JUP: variants seen among roughly 807,000 people sequenced by gnomAD.
JUP encodes the protein catenin (cadherin-associated protein), gamma 80kDa.
JUP carries 28 observed loss-of-function variants against 71.1 expected under a neutral mutation model. The ratio of observed to expected loss-of-function variants is 0.39; its 90% CI spans 0.29 to 0.54. The LOEUF (loss-of-function observed/expected upper bound fraction) is 0.54. Among genes scored for constraint, JUP ranks in the 20% least tolerant of loss-of-function variants. The probability of loss-of-function intolerance (pLI) is 0.62; values close to 1 mark genes in which losing one functional copy is unlikely to be tolerated. For missense variants in JUP, 869 were observed against 1,030.1 expected (o/e 0.84, Z 2.14); for synonymous variants, 401 against 438.9 (o/e 0.91, Z 1.08).
intron 5 of JUP, among the ~76,000 whole-genome samples, chr17:41,766,473 T>C (rs192897171): frequency 5.3e-5 from 8 of 152,006 alleles, no homozygotes; most frequent in Non-Finnish European, 8.8e-5. Flanking sequence ...GTAATCCTGA[T>C]ACTTTGGGAG....
chr17:41,769,554 G>C lies in JUP; in HGVS notation c.332C>G (p.Thr111Ser). ...LLATQVEGQA[T>S]NLQRLAEPSQ... ...CGGCTCGGCCAGTCGCTGCAGGTTG[G>C]TGGCCTGCCCCTCCACCTGGGTGGC... Residue 111 changes from threonine (T) to serine (S), a missense_variant, in exon 3 of 14, where the codon ACC (threonine) becomes AGC (serine). By Grantham distance (58) the Thr-to-Ser change is moderately conservative. Coordinates refer to ENST00000393931, the MANE Select transcript of JUP (RefSeq NM_002230.4). The C allele has an allele frequency of 6.2e-7, 1 of 1,608,690 alleles. No individual in the cohort carries two copies. The highest frequency in any genetic ancestry group is 8.5e-7 in the Non-Finnish European group (1 of 1,178,334).
chr17:41,776,866 C>G (rs561030858), intron 1 of JUP, among the ~76,000 whole-genome samples: 2 of 152,152 alleles, frequency 1.3e-5, no homozygotes, highest in African/African-American at 4.8e-5. Flanking sequence ...ATTAGCCAGG[C>G]GTGGTGGTGG....
chr17:41,778,053 A>ACTGC (rs1267851502), intron 1 of JUP, among the ~76,000 whole-genome samples: 2 of 152,188 alleles, frequency 1.3e-5, no homozygotes, highest in East Asian at 3.9e-4. Flanking sequence ...CTCTCATTCC[A>ACTGC]CTGCCTCCAA....
intron 1 of JUP, among the ~76,000 whole-genome samples, chr17:41,779,450 C>T (rs1234455213): frequency 6.7e-6 from 1 of 150,358 alleles, no homozygotes; most frequent in African/African-American, 2.4e-5. Flanking sequence ...GCCTCAGCCT[C>T]CACAGTAGCT....
At chr17:41,786,336 C>T (rs1555611752) in intron 1 of JUP, 1 of 152,192 alleles carries the variant, frequency 6.6e-6, no homozygotes, top group Non-Finnish European at 1.5e-5. Context: ...AGGCGCGACC[C>T]CGGAGGCACC....
intron 9 of JUP, 51 bp from the exon 10 acceptor site, chr17:41,758,569 C>T: frequency 6.3e-7 from 1 of 1,593,644 alleles, no homozygotes; most frequent in Non-Finnish European, 8.6e-7. Flanking sequence ...GACATGGCCA[C>T]AACTCCTCCC....
Position 41,769,255 on chromosome 17 carries a change from G to A in JUP, c.469-48C>T, listed in dbSNP as rs75715269. 10,872 of 1,578,654 alleles carry A rather than the reference G, an allele frequency of 6.9e-3. 533 individuals are homozygous for A. In the African/African-American group the frequency reaches 0.12, roughly 17 times the overall value. On this transcript the variant is annotated intron_variant, in intron 3 of 13. Transcript: ENST00000393931. Reference sequence around the variant, plus strand: ...GGGACGTGAGCACTAAGGAGAGGCCGGGATACCCTTCCACAGAGCTGAGGA... The same window carrying A: ...GGGACGTGAGCACTAAGGAGAGGCCAGGATACCCTTCCACAGAGCTGAGGA...
At chr17:41,768,266 G>A (rs562979785) in intron 4 of JUP, among the ~76,000 whole-genome samples, 31 of 152,288 alleles carry the variant, frequency 2.0e-4, no homozygotes, top group Non-Finnish European at 4.1e-4. Context: ...AGGCATGGTC[G>A]TGGGTGCCTG....
At chr17:41,756,088 C>G in intron 13 of JUP, 87 bp downstream of exon 13, 1 of 1,415,186 alleles carries the variant, frequency 7.1e-7, no homozygotes, top group Non-Finnish European at 9.9e-7. Flanking sequence ...GGTCCTCTGG[C>G]CCCGGAGACA....
At chr17:41,765,343 C>T (rs1214821863) in intron 5 of JUP, among the ~76,000 whole-genome samples, 2 of 150,306 alleles carry the variant, frequency 1.3e-5, no homozygotes, top group East Asian at 2.0e-4. Context: ...GCCAAGCACC[C>T]CAATAAGTTT....
At chr17:41,756,566 T>G (rs1483374832) in intron 12 of JUP, among the ~76,000 whole-genome samples, 2 of 150,370 alleles carry the variant, frequency 1.3e-5, no homozygotes, top group Non-Finnish European at 2.9e-5. Flanking sequence ...ACCATTGCAC[T>G]CCAGCCTGGG....
chr17:41,762,254 GTAA>G (rs1555601707), intron 8 of JUP, among the ~76,000 whole-genome samples: 24 of 134,342 alleles, frequency 1.8e-4, no homozygotes, highest in Admixed American at 6.2e-4. Flanking sequence ...CAAATTTTTT[GTAA>G]GAGATGGGTG....
intron 1 of JUP, among the ~76,000 whole-genome samples, chr17:41,774,426 T>A (rs1917133714): frequency 1.3e-5 from 2 of 152,054 alleles, no homozygotes; most frequent in African/African-American, 4.8e-5. Context: ...CTCCACCTCC[T>A]GGGTTCCAGT....
intron 1 of JUP, among the ~76,000 whole-genome samples, chr17:41,778,528 C>A (rs1414625452): frequency 2.7e-5 from 4 of 148,994 alleles, no homozygotes; most frequent in Admixed American, 1.4e-4. Flanking sequence ...GATCTGCACT[C>A]CAGCCTGGGC....
At chr17:41,771,918 G>A (rs372011947) in intron 1 of JUP, 56 bp from the exon 2 acceptor site, 35 of 1,424,882 alleles carry the variant, frequency 2.5e-5, no homozygotes, top group East Asian at 2.0e-4. Flanking sequence ...CCAGCCCCCA[G>A]CTTCAGCCCG....
intron 4 of JUP, among the ~76,000 whole-genome samples, chr17:41,768,524 T>C (rs1388969536): frequency 6.6e-6 from 1 of 151,332 alleles, no homozygotes; most frequent in Non-Finnish European, 1.5e-5. Context: ...ATCACGCCAC[T>C]GCACTCCAGC....
intron 1 of JUP, among the ~76,000 whole-genome samples, chr17:41,782,269 A>G (rs993431447): frequency 8.5e-5 from 13 of 152,084 alleles, no homozygotes; most frequent in African/African-American, 2.4e-4. Context: ...CCCCACCTCC[A>G]TCACCAGAAA....
At chr17:41,756,412 C>T (rs539850200) in intron 12 of JUP, among the ~76,000 whole-genome samples, 198 bp from the exon 13 acceptor site, 2 of 152,112 alleles carry the variant, frequency 1.3e-5, no homozygotes, top group Non-Finnish European at 2.9e-5. Flanking sequence ...GCCTGGCCAA[C>T]ATGGTGAAAC....
In JUP at chr17:41,754,973, C is replaced by G. The variant is rs569650118; in HGVS notation, c.*771G>C. 1.3e-3 allele frequency: 300 copies of G among 230,640 alleles called. 1 individual carries two copies. The highest frequency in any genetic ancestry group is 1.6e-3 in the Non-Finnish European group (192 of 119,534). The allele number at this position is 230,640 out of a possible 1,614,324, so 14.3% of individuals were successfully genotyped here. A position where few individuals can be genotyped will look rare whatever the true frequency, so the allele number is the denominator to read the frequency against. On this transcript the variant is annotated 3_prime_UTR_variant, in exon 14 of 14. Coordinates refer to ENST00000393931, the MANE Select transcript of JUP (RefSeq NM_002230.4). ...CTCACTCCATATCTCCTCCCCATCT[C>G]CCCTGGACGGTCCCTGAACTTTTCA...
Sources: gnomAD v4.1 joint callset for allele counts (sites outside exome capture counted in the v4.1 genomes callset) on GRCh38, gnomAD v4.1.1 for gene constraint, MANE v1.5 for transcripts, NCBI Gene and HGNC (gene_info 2026-07-23, HGNC 2026-07-21) for gene names.